Variants in MELK observed in about 807,000 individuals in gnomAD.
MELK encodes maternal embryonic leucine zipper kinase.
Under a neutral mutation model 85.0 loss-of-function variants are expected in MELK, and 81 were observed. The ratio of observed to expected loss-of-function variants is 0.95; its 90% CI spans 0.80 to 1.15. The LOEUF (loss-of-function observed/expected upper bound fraction) is 1.15. MELK is among the 50% of genes most tolerant of loss of function. The pLI is 0.00. For synonymous variants in MELK, 252 were observed against 265.0 expected, an observed-to-expected ratio of 0.95 and a Z score of 0.48; for missense variants, 754 against 777.5, an observed-to-expected ratio of 0.97 and a Z score of 0.36.
At chr9:36,619,149 G>A (rs1827156726) in intron 8 of MELK, among the ~76,000 whole-genome samples, 1 of 152,088 alleles carries the variant, frequency 6.6e-6, no homozygotes, top group African/African-American at 2.4e-5. Context: ...AGTAGAGACA[G>A]TGTTTCACCA....
chr9:36,654,906 T>C (rs1831074187), intron 12 of MELK, among the ~76,000 whole-genome samples: 2 of 152,238 alleles, frequency 1.3e-5, no homozygotes, highest in African/African-American at 2.4e-5. Context: ...TGCAAATTAT[T>C]GAGACACGAA....
At position 36,603,120 on chromosome 9, in the gene MELK, A is replaced by T. The variant is rs77339370; in HGVS notation, c.567+3634A>T. The stretch of plus-strand genomic sequence containing the variant: ...ATCTGGGTTTTTCCTATGTAATTTT[A>T]AATTGTTTTCTTGTCCGTGTTAGTT... On this transcript the variant is annotated intron_variant, in intron 7 of 17. Transcript: ENST00000298048. Among the ~76,000 whole-genome samples, 507 of 152,188 alleles carry T rather than the reference A, an allele frequency of 3.3e-3. 3 individuals are homozygous for T. Among genetic ancestry groups the T allele is most frequent in the African/African-American group, 0.012 (480 of 41,514 alleles).
intron 8 of MELK, among the ~76,000 whole-genome samples, chr9:36,608,093 A>G (rs1825729383): frequency 6.6e-6 from 1 of 151,996 alleles, no homozygotes; most frequent in South Asian, 2.1e-4. Context: ...ATCCTGGCTA[A>G]CGTGGTGAAA....
rs1355043542 is a variant in MELK at position 36,621,289 on chromosome 9, A to C, written c.667-9010A>C. Among the ~76,000 whole-genome samples, 11 of 96,834 alleles carry C rather than the reference A, an allele frequency of 1.1e-4. No individual in the cohort carries two copies. In the East Asian group the frequency reaches 2.7e-3, roughly 24 times the overall value. The allele number at this position is 96,834 out of a possible 152,430, so 63.5% of individuals were successfully genotyped here. On this transcript the variant is annotated intron_variant, in intron 8 of 17. Coordinates refer to ENST00000298048, the MANE Select transcript of MELK (RefSeq NM_014791.4). ...TCTGTCTCAGGGAAAAAAAAAAAAA[A>C]AAAAAAAAAAAAAAAAAAAAAAAAA...
intron 3 of MELK, among the ~76,000 whole-genome samples, chr9:36,586,761 T>C (rs1223136354): frequency 2.0e-5 from 3 of 152,230 alleles, no homozygotes; most frequent in Non-Finnish European, 4.4e-5. Context: ...CATTAATTCA[T>C]GATTTCTAAA....
At chr9:36,665,626 A>C in intron 14 of MELK, 45 bp downstream of exon 14, 1 of 1,470,834 alleles carries the variant, frequency 6.8e-7, no homozygotes, top group Non-Finnish European at 9.3e-7. Context: ...CATTTTTCTT[A>C]CCATGTTAAG....
At chr9:36,578,243 GT>G (rs111828743) in intron 1 of MELK, among the ~76,000 whole-genome samples, 4 of 148,458 alleles carry the variant, frequency 2.7e-5, no homozygotes, top group African/African-American at 4.9e-5. Context: ...GATCCAATGT[GT>G]TTTTTTTTTT....
chr9:36,615,707 A>G (rs1175009998), intron 8 of MELK, among the ~76,000 whole-genome samples: 1 of 135,042 alleles, frequency 7.4e-6, no homozygotes, highest in East Asian at 2.3e-4. Flanking sequence ...CGCTCCTCAC[A>G]TCCCAGATGG....
intron 2 of MELK, among the ~76,000 whole-genome samples, chr9:36,583,409 TTC>T (rs1457464193): frequency 6.6e-6 from 1 of 151,476 alleles, no homozygotes; most frequent in Non-Finnish European, 1.5e-5. Context: ...CTAAAGTGAG[TTC>T]TGTTTTTTTT....
At position 36,630,376 on chromosome 9, in the gene MELK, T is replaced by C; in HGVS notation, c.735+9T>C. The C allele has an allele frequency of 6.3e-7, 1 of 1,588,146 alleles. No homozygotes were observed. Among genetic ancestry groups the C allele is most frequent in the African/African-American group, 1.3e-5 (1 of 74,490 alleles). On this transcript the variant is annotated intron_variant, in intron 9 of 17. Transcript: ENST00000298048. ...TTCAACAAATGCTGCAGGTAAACTT[T>C]ATTTTTAAATAATAGAAGTCTATTG...
At chr9:36,643,835 G>C (rs1829985527) in intron 11 of MELK, among the ~76,000 whole-genome samples, 1 of 151,624 alleles carries the variant, frequency 6.6e-6, no homozygotes, top group African/African-American at 2.4e-5. Flanking sequence ...TTGGGAGGCT[G>C]AGGCAGGAGA....
chr9:36,640,623 A>G (rs866440817), intron 10 of MELK, among the ~76,000 whole-genome samples: 1 of 151,762 alleles, frequency 6.6e-6, no homozygotes, highest in South Asian at 2.1e-4. Flanking sequence ...ATTTTTGAAT[A>G]TTTTTTTGTA....
At chr9:36,676,478 A>G (rs199964302) in intron 17 of MELK, among the ~76,000 whole-genome samples, 1 of 152,196 alleles carries the variant, frequency 6.6e-6, no homozygotes, top group East Asian at 1.9e-4. Flanking sequence ...ATGTCTTAAG[A>G]TGTGTTTCAG....
At position 36,616,041 on chromosome 9, in the gene MELK, G is replaced by A. The variant is rs866144052; in HGVS notation, c.666+8368G>A. 4.6e-5 allele frequency among the ~76,000 whole-genome samples: 7 copies of A among 152,032 alleles called. No homozygotes were observed. The South Asian group carries it at 1.0e-3, about 23-fold the overall frequency. ...CCCTCGGGCCCCGCGGGGCCCGTCC[G>A]CTCCTCCAGCCGCTGCTTCCCGGGC... On this transcript the variant is annotated intron_variant, in intron 8 of 17. Transcript: ENST00000298048.
intron 17 of MELK, among the ~76,000 whole-genome samples, chr9:36,676,944 A>G (rs1036474437): frequency 2.0e-5 from 3 of 152,206 alleles, no homozygotes; most frequent in Non-Finnish European, 4.4e-5. Context: ...AAGCCTTTTC[A>G]TGCTTATTCT....
intron 3 of MELK, among the ~76,000 whole-genome samples, chr9:36,587,107 T>C (rs570768695): frequency 6.6e-5 from 10 of 152,030 alleles, no homozygotes; most frequent in African/African-American, 2.4e-4. Flanking sequence ...CCTCAGCCTC[T>C]CAAAGTGCTG....
At chr9:36,647,930 G>T (rs954245419) in intron 11 of MELK, among the ~76,000 whole-genome samples, 1 of 151,876 alleles carries the variant, frequency 6.6e-6, no homozygotes, top group Admixed American at 6.6e-5. Context: ...TACTATGATC[G>T]TGGCCATCTA....
intron 8 of MELK, among the ~76,000 whole-genome samples, chr9:36,622,968 A>G (rs1204413903): frequency 6.6e-6 from 1 of 152,176 alleles, no homozygotes; most frequent in African/African-American, 2.4e-5. Flanking sequence ...AACAAACACA[A>G]ATTCTTTAAA....
At chr9:36,607,716 A>C in intron 8 of MELK, 43 bp downstream of exon 8, 1 of 1,288,906 alleles carries the variant, frequency 7.8e-7, no homozygotes, top group Non-Finnish European at 1.1e-6. Flanking sequence ...GAACTTTTCT[A>C]TACCGAATAG....
Sources: allele counts gnomAD v4.1 joint callset (sites outside exome capture counted in the v4.1 genomes callset), GRCh38; gene constraint gnomAD v4.1.1; transcripts MANE v1.5; gene names NCBI Gene and HGNC (gene_info 2026-07-23, HGNC 2026-07-21).